B3GALT1: variants seen among roughly 807,000 people sequenced by gnomAD.
The protein encoded by B3GALT1 is UDP-Gal:betaGlcNAc beta 1,3-galactosyltransferase, polypeptide 1.
A neutral mutation model predicts 23.2 loss-of-function variants in B3GALT1; 10 were observed. The ratio of observed to expected loss-of-function variants is 0.43; its 90% CI spans 0.27 to 0.73. B3GALT1 has a LOEUF of 0.73. Ranked by LOEUF, B3GALT1 falls within the 30% of genes least tolerant of loss-of-function variation. The pLI is 0.21. For missense variants in B3GALT1, 299 were observed against 405.4 expected, an observed-to-expected ratio of 0.74 and a Z score of 2.25; for synonymous variants, 156 against 141.5, an observed-to-expected ratio of 1.10 and a Z score of -0.73.
chr2:167,837,790 C>T (rs1343782101), intron 4 of B3GALT1, among the ~76,000 whole-genome samples: 8 of 150,256 alleles, frequency 5.3e-5, no homozygotes, highest in Non-Finnish European at 1.0e-4. Flanking sequence ...AAGCTCTCCT[C>T]AGCAAATGTA....
chr2:167,634,133 T>C (rs1395244594), intron 2 of B3GALT1, among the ~76,000 whole-genome samples: 2 of 151,870 alleles, frequency 1.3e-5, no homozygotes, highest in African/African-American at 4.8e-5. Context: ...CAGAAATAAA[T>C]AAATTCTTTG....
intron 3 of B3GALT1, among the ~76,000 whole-genome samples, chr2:167,664,405 A>G (rs1440965008): frequency 1.3e-5 from 2 of 148,756 alleles, no homozygotes; most frequent in Non-Finnish European, 2.9e-5. Context: ...TGATGCCTCC[A>G]GCTTTGTTCT....
At chr2:167,566,400 T>C (rs921656558) in intron 2 of B3GALT1, among the ~76,000 whole-genome samples, 1 of 151,892 alleles carries the variant, frequency 6.6e-6, no homozygotes, top group African/African-American at 2.4e-5. Context: ...TACCTAATGC[T>C]AAATGACGAG....
chr2:167,335,919 G>C (rs73972240), intron 1 of B3GALT1, among the ~76,000 whole-genome samples: 6 of 152,012 alleles, frequency 3.9e-5, no homozygotes, highest in African/African-American at 1.5e-4. Flanking sequence ...ATTCAAGATG[G>C]AATTCCTCTG....
chr2:167,742,118 G>T (rs1160061440), intron 3 of B3GALT1, among the ~76,000 whole-genome samples: 2 of 152,086 alleles, frequency 1.3e-5, no homozygotes, highest in Non-Finnish European at 2.9e-5. Context: ...ACCTTTCCAG[G>T]TGTAATTGAG....
At chr2:167,534,534 T>C (rs1298051517) in intron 2 of B3GALT1, among the ~76,000 whole-genome samples, 1 of 152,184 alleles carries the variant, frequency 6.6e-6, no homozygotes, top group African/African-American at 2.4e-5. Context: ...GGGAAATCTT[T>C]GCTAGCTATG....
chr2:167,418,062 G>A (rs6729570), intron 1 of B3GALT1, among the ~76,000 whole-genome samples: 142,158 of 152,278 alleles, frequency 0.93, 66,819 homozygotes, highest in Non-Finnish European at 0.99. Flanking sequence ...TTTAATATTC[G>A]CTTAGAGATT....
rs1262777270 is a variant in B3GALT1 at position 167,665,200 on chromosome 2, T to C, written c.-352+18234T>C. Among the ~76,000 whole-genome samples the C allele has an allele frequency of 2.7e-5, 4 of 149,298 alleles. No homozygotes were observed. The East Asian group carries it at 7.8e-4, about 29-fold the overall frequency. On this transcript the variant is annotated intron_variant, in intron 3 of 4. Coordinates refer to ENST00000392690, the MANE Select transcript of B3GALT1 (RefSeq NM_020981.4). ...GTTGTTGAATTTTGTCAAAGGCCTT[T>C]TCTGCATCTATTGAGATAATCATGT...
chr2:167,731,186 A>G (rs1687403839), intron 3 of B3GALT1, among the ~76,000 whole-genome samples: 2 of 152,218 alleles, frequency 1.3e-5, no homozygotes, highest in Admixed American at 1.3e-4. Context: ...TTGGGCAAAT[A>G]TTTAATCTCT....
rs114403369 is a variant in B3GALT1 at position 167,625,687 on chromosome 2, A to G, written c.-409-21222A>G. Among the ~76,000 whole-genome samples, 1,105 of 151,758 alleles carry G rather than the reference A, an allele frequency of 7.3e-3. 6 individuals carry two copies. Among genetic ancestry groups the G allele is most frequent in the Non-Finnish European group, 0.012 (807 of 67,762 alleles). On this transcript the variant is annotated intron_variant, in intron 2 of 4. Transcript: ENST00000392690. ...TAACCGTATGGCATGATTCGTTGCA[A>G]ACTATACTTTCTCTGCAATTTACTT... is the stretch of plus-strand genomic sequence containing the variant.
chr2:167,827,840 T>G (rs116658829), intron 4 of B3GALT1, among the ~76,000 whole-genome samples: 1 of 152,096 alleles, frequency 6.6e-6, no homozygotes, highest in Non-Finnish European at 1.5e-5. Flanking sequence ...TCTGGGACTT[T>G]GTAACAGTTA....
At chr2:167,448,875 T>C (rs145011408) in intron 1 of B3GALT1, among the ~76,000 whole-genome samples, 1 of 152,268 alleles carries the variant, frequency 6.6e-6, no homozygotes, top group Admixed American at 6.5e-5. Context: ...CCACTTTTTG[T>C]TTTTGTTGGC....
chr2:167,637,702 GC>G (rs1685583027), intron 2 of B3GALT1, among the ~76,000 whole-genome samples: 2 of 151,770 alleles, frequency 1.3e-5, no homozygotes, highest in Non-Finnish European at 2.9e-5. Context: ...TCCACCCTCT[GC>G]CTTATATGAT....
chr2:167,381,493 G>A (rs1377256243), intron 1 of B3GALT1, among the ~76,000 whole-genome samples: 1 of 152,122 alleles, frequency 6.6e-6, no homozygotes, highest in Non-Finnish European at 1.5e-5. Flanking sequence ...ATACACTAAA[G>A]CTCAGCCTCC....
intron 1 of B3GALT1, among the ~76,000 whole-genome samples, chr2:167,381,810 A>G (rs775480656): frequency 1.1e-4 from 17 of 152,238 alleles, no homozygotes; most frequent in Non-Finnish European, 2.1e-4. Flanking sequence ...TTAAATAAAA[A>G]GTCTTTGTGG....
chr2:167,530,593 A>G (rs1574121628), intron 2 of B3GALT1, among the ~76,000 whole-genome samples: 1 of 152,172 alleles, frequency 6.6e-6, no homozygotes, highest in East Asian at 1.9e-4. Context: ...TGATGCCATA[A>G]AACAGCTATT....
At chr2:167,643,463 G>A (rs1288939363) in intron 2 of B3GALT1, among the ~76,000 whole-genome samples, 1 of 152,052 alleles carries the variant, frequency 6.6e-6, no homozygotes, top group Non-Finnish European at 1.5e-5. Flanking sequence ...TAAGTGGTAG[G>A]GGAAAGAAAA....
rs1697631885 is a variant in B3GALT1, at chr2:167,368,819, G to A, written c.-511+75485G>A. 2.0e-5 allele frequency among the ~76,000 whole-genome samples: 3 copies of A among 152,032 alleles called. No homozygotes were observed. The South Asian group carries it at 6.2e-4, about 32-fold the overall frequency. On this transcript the variant is annotated intron_variant, in intron 1 of 4. Coordinates refer to ENST00000392690, the MANE Select transcript of B3GALT1 (RefSeq NM_020981.4). ...GTGTCCATGCTCTTTTGAATCTTAG[G>A]ATCCCTCTACCAACTCAGTCCCAGT...
intron 1 of B3GALT1, among the ~76,000 whole-genome samples, chr2:167,462,991 A>T (rs1699284728): frequency 6.6e-6 from 1 of 152,166 alleles, no homozygotes. Flanking sequence ...ATGATAAAAT[A>T]AATGAGAACG....
Sources: allele counts gnomAD v4.1 joint callset (sites outside exome capture counted in the v4.1 genomes callset), GRCh38; gene constraint gnomAD v4.1.1; transcripts MANE v1.5; gene names NCBI Gene and HGNC (gene_info 2026-07-23, HGNC 2026-07-21).